The following INPP5F variants were observed in gnomAD, a reference collection of about 807,000 sequenced individuals.
The protein encoded by INPP5F is inositol polyphosphate-5-phosphatase F.
A neutral mutation model predicts 137.2 loss-of-function variants in INPP5F; 97 were observed. The observed-to-expected ratio is 0.71, with a 90% CI of 0.60 to 0.84. INPP5F has a LOEUF of 0.84. Among genes scored for constraint, INPP5F ranks in the 40% least tolerant of loss-of-function variants. The probability of loss-of-function intolerance (pLI) is 0.00; values close to 1 mark genes in which losing one functional copy is unlikely to be tolerated. For synonymous variants in INPP5F, 504 were observed against 476.9 expected (o/e 1.06, Z -0.74); for missense variants, 1,271 against 1,371.9 (o/e 0.93, Z 1.16).
At chr10:119,814,059 C>G (rs1479440868) in intron 15 of INPP5F, among the ~76,000 whole-genome samples, 3 of 151,994 alleles carry the variant, frequency 2.0e-5, no homozygotes, top group African/African-American at 7.3e-5. Flanking sequence ...TTCCCGATAA[C>G]AGGGAGCCAG....
chr10:119,791,978 C>T lies in INPP5F; in HGVS notation c.554C>T (p.Thr185Ile). 1 of 1,614,206 alleles carries T rather than the reference C, an allele frequency of 6.2e-7. No individual in the cohort carries two copies. Among genetic ancestry groups the T allele is most frequent in the Non-Finnish European group, 8.5e-7 (1 of 1,180,034 alleles). Residue 185 changes from threonine to isoleucine, a missense_variant, in exon 5 of 20, where the codon ACC becomes ATC. Physicochemically the swap from Thr to Ile is moderately conservative, Grantham distance 89 (BLOSUM62 -1). This residue lies in a region of INPP5F where 593 missense variants were observed against 712.4 expected (regional missense o/e 0.83). Transcript: ENST00000650623. ...SFYYSLTYDL[T>I]NSVQRQSTGE... Reference sequence around the variant, plus strand: ...TATTATAGCTTGACCTATGACCTGACCAATTCCGTGCAGAGGCAGAGCACT... The same window carrying T: ...TATTATAGCTTGACCTATGACCTGATCAATTCCGTGCAGAGGCAGAGCACT...
rs572712862 is a variant in INPP5F at position 119,771,148 on chromosome 10, C to G, written c.179-10487C>G. Among the ~76,000 whole-genome samples, 316 of 152,318 alleles carry G rather than the reference C, an allele frequency of 2.1e-3. 1 individual carries two copies. The highest frequency in any genetic ancestry group is 7.3e-3 in the African/African-American group (302 of 41,576). ...GCAACCACTAACCTCAGCTCCTAAT[C>G]TACCTTCTGTCTCTAGGGATTTTCC... On this transcript the variant is annotated intron_variant, in intron 2 of 19. Coordinates refer to ENST00000650623, the MANE Select transcript of INPP5F (RefSeq NM_014937.4).
intron 6 of INPP5F, among the ~76,000 whole-genome samples, chr10:119,795,410 C>G (rs1308465551): frequency 6.7e-6 from 1 of 149,940 alleles, no homozygotes; most frequent in Non-Finnish European, 1.5e-5. Flanking sequence ...ATGGGGCGGC[C>G]GGGCAGAGAC....
chr10:119,732,036 G>GT (rs57619660), intron 1 of INPP5F, among the ~76,000 whole-genome samples: 11 of 101,600 alleles, frequency 1.1e-4, no homozygotes, highest in African/African-American at 3.8e-4. Context: ...AAGACAAGTG[G>GT]TTTTTTTTTT....
intron 8 of INPP5F, 21 bp downstream of exon 8, chr10:119,797,661 G>T: frequency 6.4e-7 from 1 of 1,557,566 alleles, no homozygotes; most frequent in Non-Finnish European, 8.7e-7. Flanking sequence ...CAATTATTGG[G>T]TTTGCAAATG....
intron 9 of INPP5F, among the ~76,000 whole-genome samples, chr10:119,799,986 A>G (rs974940834): frequency 6.6e-6 from 1 of 152,022 alleles, no homozygotes; most frequent in African/African-American, 2.4e-5. Flanking sequence ...CTCTAATGAA[A>G]AAAATGATAA....
intron 1 of INPP5F, among the ~76,000 whole-genome samples, chr10:119,727,919 G>T (rs1847938779): frequency 6.6e-6 from 1 of 152,192 alleles, no homozygotes; most frequent in Non-Finnish European, 1.5e-5. Context: ...GTTGTCAAAA[G>T]AGTCAACTCC....
chr10:119,764,795 C>G (rs185419484), intron 2 of INPP5F, among the ~76,000 whole-genome samples: 1 of 152,202 alleles, frequency 6.6e-6, no homozygotes, highest in African/African-American at 2.4e-5. Flanking sequence ...GTTGGCTGGT[C>G]TTGAACTCCT....
intron 15 of INPP5F, among the ~76,000 whole-genome samples, chr10:119,818,060 T>C (rs1369759893): frequency 2.0e-5 from 3 of 152,246 alleles, no homozygotes; most frequent in Non-Finnish European, 4.4e-5. Flanking sequence ...TACAGAGAAC[T>C]AGAAACCGGG....
intron 1 of INPP5F, among the ~76,000 whole-genome samples, chr10:119,735,832 G>A (rs144536376): frequency 5.3e-5 from 8 of 151,986 alleles, no homozygotes; most frequent in East Asian, 3.9e-4. Context: ...AAATTACATC[G>A]CCTAAAATTC....
At chr10:119,765,839 A>G (rs1589691253) in intron 2 of INPP5F, among the ~76,000 whole-genome samples, 1 of 138,626 alleles carries the variant, frequency 7.2e-6, no homozygotes, top group Non-Finnish European at 1.5e-5. Flanking sequence ...ATAAATACTA[A>G]TTAATCTCTC....
intron 2 of INPP5F, among the ~76,000 whole-genome samples, chr10:119,764,511 G>T (rs761945215): frequency 3.3e-5 from 5 of 151,968 alleles, no homozygotes; most frequent in Non-Finnish European, 5.9e-5. Context: ...ATGAAGATAA[G>T]GATGAAGACC....
chr10:119,819,289 T>C, intron 15 of INPP5F: 1 of 315,368 alleles, frequency 3.2e-6, no homozygotes, highest in Non-Finnish European at 4.2e-6. Flanking sequence ...TTACTGCAGC[T>C]AAGACTTCAG....
At chr10:119,815,058 C>CG (rs1851211821) in intron 15 of INPP5F, among the ~76,000 whole-genome samples, 1 of 151,908 alleles carries the variant, frequency 6.6e-6, no homozygotes, top group Admixed American at 6.6e-5. Flanking sequence ...ATAGAGATGG[C>CG]GTTTCACCCT....
intron 1 of INPP5F, among the ~76,000 whole-genome samples, chr10:119,745,318 T>G (rs187975558): frequency 1.3e-5 from 2 of 152,142 alleles, no homozygotes. Flanking sequence ...TTTCTTTTTT[T>G]GTTTTTTGTT....
chr10:119,726,176 G>A lies in INPP5F; in HGVS notation c.-87G>A, dbSNP rs1589651885. The A allele has an allele frequency of 1.2e-6, 1 of 813,828 alleles. No homozygotes were observed. The highest frequency in any genetic ancestry group is 1.7e-6 in the Non-Finnish European group (1 of 591,848). 50.4% of individuals were successfully genotyped at this position (813,828 alleles called of 1,614,324 possible). A position where few individuals can be genotyped will look rare whatever the true frequency, so the allele number is the denominator to read the frequency against. On this transcript the variant is annotated 5_prime_UTR_variant, in exon 1 of 20. Transcript: ENST00000650623. ...CGCGGTTCCTACCCGGCCGCTCCCCGAGGCGCGGGCTCTGGCGGCCTCGAC... is the reference window on the plus strand; with the variant it reads ...CGCGGTTCCTACCCGGCCGCTCCCCAAGGCGCGGGCTCTGGCGGCCTCGAC...
chr10:119,734,328 A>G (rs1031559741), intron 1 of INPP5F, among the ~76,000 whole-genome samples: 2 of 152,190 alleles, frequency 1.3e-5, no homozygotes, highest in African/African-American at 4.8e-5. Flanking sequence ...TTTGGGGTAT[A>G]TCCCAACACA....
chr10:119,780,353 T>C (rs1325683934), intron 2 of INPP5F, among the ~76,000 whole-genome samples: 2 of 152,196 alleles, frequency 1.3e-5, no homozygotes, highest in African/African-American at 2.4e-5. Context: ...GGCTGGCAGA[T>C]TGCTTGAGCC....
intron 2 of INPP5F, among the ~76,000 whole-genome samples, chr10:119,762,951 G>A (rs866645551): frequency 9.2e-5 from 14 of 152,238 alleles, no homozygotes; most frequent in South Asian, 4.1e-4. Context: ...CCGAAGTCTC[G>A]TTTAAATATC....
Sources: gnomAD v4.1 joint callset for allele counts (sites outside exome capture counted in the v4.1 genomes callset) on GRCh38, gnomAD v4.1.1 for gene constraint, gnomAD v4.1.1 regional missense constraint, MANE v1.5 for transcripts, NCBI Gene and HGNC (gene_info 2026-07-23, HGNC 2026-07-21) for gene names.